Variants in RNF187 observed in about 807,000 individuals in gnomAD.
RNF187 encodes the protein ring finger protein 187.
In RNF187, 18 loss-of-function variants were observed where a neutral mutation model predicts 22.2. The observed-to-expected ratio is 0.81, with a 90% CI of 0.56 to 1.20. The LOEUF (loss-of-function observed/expected upper bound fraction) is 1.20. RNF187 is among the 50% of genes most tolerant of loss of function. The pLI is 0.00. For synonymous variants in RNF187, 164 were observed against 140.9 expected, an observed-to-expected ratio of 1.16 and a Z score of -1.16; for missense variants, 329 against 317.6, an observed-to-expected ratio of 1.04 and a Z score of -0.27.
Position 228,487,727 on chromosome 1 carries a change from C to T in RNF187, c.239C>T (p.Ala80Val). The T allele has an allele frequency of 9.7e-7, 1 of 1,031,034 alleles. No homozygotes were observed. Among genetic ancestry groups the T allele is most frequent in the Admixed American group, 5.7e-5 (1 of 17,522 alleles). The allele number at this position is 1,031,034 out of a possible 1,614,324, so 63.9% of individuals were successfully genotyped here. ...CTTCTGGCGCTCGAGGAGGCGGCCG[C>T]GGCGCCCGCGCGCGACGGCCCGGCC... is the stretch of plus-strand genomic sequence containing the variant. Residue 80 changes from alanine to valine, a missense_variant, in exon 1 of 4, where the codon GCG becomes GTG. Physicochemically the swap from Ala to Val is moderately conservative, Grantham distance 64. Coordinates refer to ENST00000305943, the MANE Select transcript of RNF187 (RefSeq NM_001010858.3).
intron 2 of RNF187, among the ~76,000 whole-genome samples, chr1:228,491,686 C>A: frequency 0.016 from 2,427 of 152,200 alleles, 74 homozygotes; most frequent in African/African-American, 0.055. Flanking sequence ...GTGATCCAAC[C>A]ACCTCGGCCT....
Position 228,493,653 on chromosome 1 carries a change from A to G in RNF187, c.706-230A>G. 6.6e-6 allele frequency among the ~76,000 whole-genome samples: 1 copy of G among 152,234 alleles called. No homozygotes were observed. Among genetic ancestry groups the G allele is most frequent in the Admixed American group, 6.5e-5 (1 of 15,304 alleles). ...TGAACCCCAGACCCTGCAGCAACCC[A>G]GATGGCCCTGAACGGTTCAGTTGCC... On this transcript the variant is annotated intron_variant, in intron 3 of 3. Coordinates refer to ENST00000305943, the MANE Select transcript of RNF187 (RefSeq NM_001010858.3). The surrounding 1 kb of genome is among the most constrained non-coding windows in gnomAD (Gnocchi z 4.7).
At chr1:228,489,144 T>G in intron 2 of RNF187, 92 bp downstream of exon 2, 2 of 1,013,680 alleles carry the variant, frequency 2.0e-6, no homozygotes, top group South Asian at 2.8e-5. Flanking sequence ...GGGCCAGGCC[T>G]CTGAACTGCT....
chr1:228,492,068 T>A, intron 2 of RNF187, among the ~76,000 whole-genome samples: 13 of 151,992 alleles, frequency 8.6e-5, no homozygotes, highest in East Asian at 5.8e-4. Flanking sequence ...TGATTTTTTT[T>A]AAAAAAGGCC....
chr1:228,489,817 C>G, intron 2 of RNF187, among the ~76,000 whole-genome samples: 1 of 152,206 alleles, frequency 6.6e-6, no homozygotes, highest in Admixed American at 6.5e-5. Flanking sequence ...GAGTTCCACC[C>G]TCACAACCTC....
chr1:228,494,296 C>T lies in RNF187; in HGVS notation c.*411C>T. Reference sequence around the variant, plus strand: ...GTACCTGAGGTGCACCATTGAGTGTCGGATTTGGGGTTAGCATCCAGAAAG... The same window carrying T: ...GTACCTGAGGTGCACCATTGAGTGTTGGATTTGGGGTTAGCATCCAGAAAG... On this transcript the variant is annotated 3_prime_UTR_variant, in exon 4 of 4. Coordinates refer to ENST00000305943, the MANE Select transcript of RNF187 (RefSeq NM_001010858.3). The T allele has an allele frequency of 1.3e-4, 150 of 1,112,324 alleles. No individual in the cohort carries two copies. Among genetic ancestry groups the T allele is most frequent in the Non-Finnish European group, 1.5e-4 (138 of 904,540 alleles). The allele number at this position is 1,112,324 out of a possible 1,614,324, so 68.9% of individuals were successfully genotyped here.
chr1:228,495,315 CAG>C lies in RNF187; in HGVS notation c.*1435_*1436del. The C allele has an allele frequency of 3.4e-6, 1 of 298,306 alleles. No individual in the cohort carries two copies. The highest frequency in any genetic ancestry group is 5.0e-6 in the Non-Finnish European group (1 of 201,942). 18.5% of individuals were successfully genotyped at this position (298,306 alleles called of 1,614,324 possible). ...CGATCAGACATTGGCTGCAAACGGT[CAG>C]AGAGGAACCCAGTCAGGTACCATTG... On this transcript the variant is annotated 3_prime_UTR_variant, in exon 4 of 4. Coordinates refer to ENST00000305943, the MANE Select transcript of RNF187 (RefSeq NM_001010858.3).
chr1:228,487,393 CG>C lies in RNF187; in HGVS notation c.-95del. Reference sequence around the variant, plus strand: ...TGCGCGTCCCCGGCGTTGGCGTCTTCGTCCTGTTGCTGGTCTCCGTCCGGTC... The same window carrying C: ...TGCGCGTCCCCGGCGTTGGCGTCTTCTCCTGTTGCTGGTCTCCGTCCGGTC... On this transcript the variant is annotated 5_prime_UTR_variant, in exon 1 of 4. Coordinates refer to ENST00000305943, the MANE Select transcript of RNF187 (RefSeq NM_001010858.3). 9.4e-7 allele frequency: 1 copy of C among 1,061,102 alleles called. No individual in the cohort carries two copies. The highest frequency in any genetic ancestry group is 1.1e-6 in the Non-Finnish European group (1 of 880,478). 65.7% of individuals were successfully genotyped at this position (1,061,102 alleles called of 1,614,324 possible).
chr1:228,495,199 C>T lies in RNF187; in HGVS notation c.*1314C>T. 1 of 281,046 alleles carries T rather than the reference C, an allele frequency of 3.6e-6. No individual in the cohort carries two copies. Among genetic ancestry groups the T allele is most frequent in the Non-Finnish European group, 5.4e-6 (1 of 186,066 alleles). The allele number at this position is 281,046 out of a possible 1,614,324, so 17.4% of individuals were successfully genotyped here. A position where few individuals can be genotyped will look rare whatever the true frequency, so the allele number is the denominator to read the frequency against. ...GGAGGAGCGAGGAGCAGTATAGGGT[C>T]CATGGGTGGGAATGACTGTGAGGAG... On this transcript the variant is annotated 3_prime_UTR_variant, in exon 4 of 4. Transcript: ENST00000305943.
chr1:228,488,062 C>G, intron 1 of RNF187, among the ~76,000 whole-genome samples, 184 bp downstream of exon 1: 1 of 150,848 alleles, frequency 6.6e-6, no homozygotes, highest in Non-Finnish European at 1.5e-5. Flanking sequence ...TGTGCTGGGC[C>G]CCTCCCTCCT....
Position 228,487,485 on chromosome 1 carries a change from A to G in RNF187, c.-4A>G. 1 of 1,118,078 alleles carries G rather than the reference A, an allele frequency of 8.9e-7. No homozygotes were observed. 69.3% of individuals were successfully genotyped at this position (1,118,078 alleles called of 1,614,324 possible). On this transcript the variant is annotated 5_prime_UTR_variant, in exon 1 of 4. Coordinates refer to ENST00000305943, the MANE Select transcript of RNF187 (RefSeq NM_001010858.3). ...CGCCCTTGCCGGCCCCGCCGCCCGC[A>G]GCCCTGGCGCTCCCTGCGGGCCCCG...
chr1:228,495,092 G>T lies in RNF187; in HGVS notation c.*1207G>T. Reference sequence around the variant, plus strand: ...GCATGGTGAGGAGGACTTTGATTGGGACCATTGAGATGGGTGTGGGACCCT... The same window carrying T: ...GCATGGTGAGGAGGACTTTGATTGGTACCATTGAGATGGGTGTGGGACCCT... On this transcript the variant is annotated 3_prime_UTR_variant, in exon 4 of 4. Coordinates refer to ENST00000305943, the MANE Select transcript of RNF187 (RefSeq NM_001010858.3). 5 of 941,912 alleles carry T rather than the reference G, an allele frequency of 5.3e-6. No homozygotes were observed. Among genetic ancestry groups the T allele is most frequent in the Non-Finnish European group, 6.3e-6 (5 of 790,196 alleles). 58.3% of individuals were successfully genotyped at this position (941,912 alleles called of 1,614,324 possible). A position where few individuals can be genotyped will look rare whatever the true frequency, so the allele number is the denominator to read the frequency against.
intron 1 of RNF187, 26 bp downstream of exon 1, chr1:228,487,904 C>A: frequency 1.7e-6 from 2 of 1,192,126 alleles, no homozygotes; most frequent in Admixed American, 4.7e-5. Flanking sequence ...TCCCGTGCCC[C>A]ACCCCGGACG....
chr1:228,491,715 C>T, intron 2 of RNF187, among the ~76,000 whole-genome samples: 1 of 152,108 alleles, frequency 6.6e-6, no homozygotes, highest in African/African-American at 2.4e-5. Context: ...GCTGGGATTA[C>T]AGGTGTGAGC....
chr1:228,494,208 T>C lies in RNF187; in HGVS notation c.*323T>C. On this transcript the variant is annotated 3_prime_UTR_variant, in exon 4 of 4. Transcript: ENST00000305943. ...CCTTCCCTGGTCACCCATCTGCCCC[T>C]CACCTCGTCATCCAGGGACCCAGAC... The C allele has an allele frequency of 7.6e-7, 1 of 1,321,050 alleles. No individual in the cohort carries two copies. The highest frequency in any genetic ancestry group is 9.7e-7 in the Non-Finnish European group (1 of 1,034,484). The allele number at this position is 1,321,050 out of a possible 1,614,324, so 81.8% of individuals were successfully genotyped here.
Position 228,493,975 on chromosome 1 carries a change from G to A in RNF187, c.*90G>A. 2 of 1,551,554 alleles carry A rather than the reference G, an allele frequency of 1.3e-6. No individual in the cohort carries two copies. Among genetic ancestry groups the A allele is most frequent in the Non-Finnish European group, 8.7e-7 (1 of 1,146,944 alleles). ...GTGTCAGCGTGTGGCTGCCAGGGAA[G>A]CGTGGCAGGCGCCTGGCCTTGGGTC... On this transcript the variant is annotated 3_prime_UTR_variant, in exon 4 of 4. Transcript: ENST00000305943. The surrounding 1 kb of genome is among the most constrained non-coding windows in gnomAD (Gnocchi z 4.7).
Position 228,494,164 on chromosome 1 carries a change from C to A in RNF187, c.*279C>A. On this transcript the variant is annotated 3_prime_UTR_variant, in exon 4 of 4. Coordinates refer to ENST00000305943, the MANE Select transcript of RNF187 (RefSeq NM_001010858.3). ...GCCACAGCCCATCCTCCATGAGTCC[C>A]GGCAGCTCTGGGTCATGCCCTTCCC... 1 of 1,399,298 alleles carries A rather than the reference C, an allele frequency of 7.1e-7. No individual in the cohort carries two copies. The allele number at this position is 1,399,298 out of a possible 1,614,324, so 86.7% of individuals were successfully genotyped here.
At position 228,495,747 on chromosome 1, in the gene RNF187, T is replaced by C; in HGVS notation, c.*1862T>C. ...AACCTCTTTCTATTTAAGAAAATTA[T>C]ATATTTATGGGGCACAGTGTGATGT... On this transcript the variant is annotated 3_prime_UTR_variant, in exon 4 of 4. Coordinates refer to ENST00000305943, the MANE Select transcript of RNF187 (RefSeq NM_001010858.3). 4 of 984,814 alleles carry C rather than the reference T, an allele frequency of 4.1e-6. No individual in the cohort carries two copies. Among genetic ancestry groups the C allele is most frequent in the Non-Finnish European group, 4.8e-6 (4 of 829,314 alleles). The allele number at this position is 984,814 out of a possible 1,614,324, so 61.0% of individuals were successfully genotyped here. A position where few individuals can be genotyped will look rare whatever the true frequency, so the allele number is the denominator to read the frequency against.
Position 228,495,044 on chromosome 1 carries a change from A to G in RNF187, c.*1159A>G. The G allele has an allele frequency of 1.0e-6, 1 of 985,318 alleles. No homozygotes were observed. The highest frequency in any genetic ancestry group is 1.2e-6 in the Non-Finnish European group (1 of 829,810). 61.0% of individuals were successfully genotyped at this position (985,318 alleles called of 1,614,324 possible). ...TGGCCACCCTCCAGTGTCAAAGGAA[A>G]CTTCCTCGTGACACGTGCTAAAGCA... On this transcript the variant is annotated 3_prime_UTR_variant, in exon 4 of 4. Coordinates refer to ENST00000305943, the MANE Select transcript of RNF187 (RefSeq NM_001010858.3).
Sources: gnomAD v4.1 joint callset for allele counts (sites outside exome capture counted in the v4.1 genomes callset) on GRCh38, gnomAD v4.1.1 for gene constraint, Gnocchi (gnomAD v3.1) non-coding constraint, MANE v1.5 for transcripts, NCBI Gene and HGNC (gene_info 2026-07-23, HGNC 2026-07-21) for gene names.